The following POC5 variants were observed in gnomAD, a reference collection of about 807,000 sequenced individuals.
POC5 encodes POC5 centriolar protein.
A neutral mutation model predicts 62.9 loss-of-function variants in POC5; 48 were observed. The observed-to-expected ratio is 0.76, with a 90% confidence interval of 0.61 to 0.97. POC5 has a LOEUF of 0.97. Among genes scored for constraint, POC5 ranks in the 50% least tolerant of loss-of-function variants. The probability of loss-of-function intolerance (pLI) is 0.00; values close to 1 mark genes in which losing one functional copy is unlikely to be tolerated. For missense variants in POC5, 696 were observed against 679.5 expected (o/e 1.02, Z -0.27); for synonymous variants, 236 against 228.2 (o/e 1.03, Z -0.31).
At chr5:75,695,298 T>C (rs1178455791) in intron 5 of POC5, among the ~76,000 whole-genome samples, 2 of 152,188 alleles carry the variant, frequency 1.3e-5, no homozygotes, top group South Asian at 4.1e-4. Flanking sequence ...TTATTATCTG[T>C]TATAATGGAC....
Position 75,702,772 on chromosome 5 carries a change from G to A in POC5, c.346C>T (p.Pro116Ser). ...PVLSPRKPSH[P>S]VMDFFSSHLL... ...TGTGAACTGAAAAAATCCATGACTGGGTGAGAAGGCTTCCTTGGCGATAAC... is the reference window on the plus strand; with the variant it reads ...TGTGAACTGAAAAAATCCATGACTGAGTGAGAAGGCTTCCTTGGCGATAAC... Residue 116 changes from proline to serine, a missense_variant, in exon 5 of 12, where the codon CCA becomes TCA. Pro to Ser is a moderately conservative substitution (Grantham distance 74). Coordinates refer to ENST00000428202, the MANE Select transcript of POC5 (RefSeq NM_001099271.2). 6.3e-7 allele frequency: 1 copy of A among 1,592,478 alleles called. No individual in the cohort carries two copies. Among genetic ancestry groups the A allele is most frequent in the Non-Finnish European group, 8.6e-7 (1 of 1,168,662 alleles).
chr5:75,699,781 CCT>C (rs1283518368), intron 5 of POC5, among the ~76,000 whole-genome samples: 1 of 143,194 alleles, frequency 7.0e-6, no homozygotes, highest in Non-Finnish European at 1.6e-5. Context: ...TCAAATTCTC[CCT>C]GTTTGCAGAC....
At chr5:75,702,579 G>GT in intron 5 of POC5, 26 bp downstream of exon 5, 1 of 1,592,976 alleles carries the variant, frequency 6.3e-7, no homozygotes, top group Non-Finnish European at 8.6e-7. Context: ...CTAAACAACT[G>GT]TAATTGAAGA....
intron 4 of POC5, among the ~76,000 whole-genome samples, chr5:75,704,224 ACTAT>A (rs1002621549): frequency 6.6e-6 from 1 of 152,008 alleles, no homozygotes; most frequent in African/African-American, 2.4e-5. Flanking sequence ...GGAATTAGAG[ACTAT>A]CTGTCATCAC....
At chr5:75,686,558 A>C (rs1448866046) in intron 9 of POC5, among the ~76,000 whole-genome samples, 1 of 152,224 alleles carries the variant, frequency 6.6e-6, no homozygotes, top group Non-Finnish European at 1.5e-5. Flanking sequence ...TCAATATAAA[A>C]TACTTTTAAT....
chr5:75,683,750 C>T (rs1192307295), intron 10 of POC5, among the ~76,000 whole-genome samples: 1 of 151,938 alleles, frequency 6.6e-6, no homozygotes, highest in African/African-American at 2.4e-5. Context: ...GTTGCCCAGG[C>T]TGGAGTGCAG....
At chr5:75,693,108 C>A (rs1052849933) in intron 6 of POC5, among the ~76,000 whole-genome samples, 2 of 144,968 alleles carry the variant, frequency 1.4e-5, no homozygotes, top group African/African-American at 5.0e-5. Flanking sequence ...ATATGTCATA[C>A]ATAAAATGTT....
chr5:75,699,372 G>C (rs562024635), intron 5 of POC5, among the ~76,000 whole-genome samples: 16 of 152,120 alleles, frequency 1.1e-4, no homozygotes, highest in African/African-American at 3.6e-4. Flanking sequence ...TATCCACCAT[G>C]ATCAAGTGGG....
rs77651530 is a variant in POC5 at position 75,711,833 on chromosome 5, A to G, written c.84+1021T>C. On this transcript the variant is annotated intron_variant, in intron 2 of 11. Transcript: ENST00000428202. ...CTCTAGAGAGTTATTCTTTTGATTT[A>G]AAGCTTTATCTCTTCACGAAATGAA... 1.2e-3 allele frequency among the ~76,000 whole-genome samples: 181 copies of G among 152,336 alleles called. 1 individual carries two copies. The East Asian group carries it at 0.031, about 26-fold the overall frequency.
rs1742643580 is a variant in POC5 at position 75,717,330 on chromosome 5, G to T, written c.-39C>A. 1 of 152,250 alleles carries T rather than the reference G, an allele frequency of 6.6e-6. No homozygotes were observed. The highest frequency in any genetic ancestry group is 6.5e-5 in the Admixed American group (1 of 15,278). The allele number at this position is 152,250 out of a possible 1,614,324, so 9.4% of individuals were successfully genotyped here. A position where few individuals can be genotyped will look rare whatever the true frequency, so the allele number is the denominator to read the frequency against. On this transcript the variant is annotated 5_prime_UTR_variant, in exon 1 of 12. Transcript: ENST00000428202. ...CCGTCGCCGCTCGCGACCAAATCCC[G>T]ACTCCTCGCTCTGCGCCTCTTAGCC...
intron 1 of POC5, 95 bp downstream of exon 1, chr5:75,717,211 G>A (rs2291631): frequency 0.061 from 9,330 of 152,398 alleles, 470 homozygotes; most frequent in East Asian, 0.29. Flanking sequence ...AGAGCCCAGG[G>A]GGAGGAAACA....
chr5:75,690,260 G>A (rs939455080), intron 8 of POC5, 123 bp downstream of exon 8: 33 of 880,198 alleles, frequency 3.7e-5, no homozygotes, highest in Non-Finnish European at 5.4e-5. Context: ...AAGAATAAAC[G>A]TTTTCATTTT....
intron 1 of POC5, among the ~76,000 whole-genome samples, chr5:75,715,775 G>A (rs556025352): frequency 5.1e-4 from 77 of 152,254 alleles, no homozygotes; most frequent in Non-Finnish European, 9.6e-4. Context: ...ATAGAGTTAA[G>A]GACTACGACT....
rs150165420 is a variant in POC5, at chr5:75,679,284, C to T, written c.1408-1334G>A. 4.0e-4 allele frequency among the ~76,000 whole-genome samples: 61 copies of T among 152,214 alleles called. No individual in the cohort carries two copies. The East Asian group carries it at 0.011, about 28-fold the overall frequency. On this transcript the variant is annotated intron_variant, in intron 10 of 11. Transcript: ENST00000428202. ...CTTATTTTGGCTTAGCTTATTAAAA[C>T]ATTTGAAATTCCAGTGTGAAGTATT...
chr5:75,706,959 A>G (rs1412870063), intron 3 of POC5, among the ~76,000 whole-genome samples: 3 of 152,224 alleles, frequency 2.0e-5, no homozygotes, highest in South Asian at 2.1e-4. Context: ...GACAACAGAC[A>G]CTAGAGCTAT....
intron 1 of POC5, among the ~76,000 whole-genome samples, chr5:75,713,416 C>A (rs1184204016): frequency 1.3e-5 from 2 of 152,224 alleles, no homozygotes; most frequent in African/African-American, 4.8e-5. Flanking sequence ...AAGTCCTAAT[C>A]AAAAAATCAT....
Position 75,698,225 on chromosome 5 carries a change from A to G in POC5, c.514-3394T>C, listed in dbSNP as rs1413998044. On this transcript the variant is annotated intron_variant, in intron 5 of 11. Transcript: ENST00000428202. ...GCTCTGCACCAAGCAGACCTAATAG[A>G]TATCTACAGAACTCTCCACCCCAAA... Among the ~76,000 whole-genome samples the G allele has an allele frequency of 3.6e-5, 5 of 138,070 alleles. No individual in the cohort carries two copies. In the South Asian group the frequency reaches 7.5e-4, roughly 21 times the overall value. The allele number at this position is 138,070 out of a possible 152,430, so 90.6% of individuals were successfully genotyped here.
At chr5:75,694,858 A>C (rs1397526876) in intron 5 of POC5, 27 bp from the exon 6 acceptor site, 4 of 1,439,806 alleles carry the variant, frequency 2.8e-6, no homozygotes, top group Non-Finnish European at 3.8e-6. Context: ...GTGACAATTA[A>C]GTAGTTTGTT....
At chr5:75,678,610 T>A (rs954562183) in intron 10 of POC5, among the ~76,000 whole-genome samples, 21 of 30,604 alleles carry the variant, frequency 6.9e-4, no homozygotes, top group Admixed American at 2.5e-3. Flanking sequence ...ATTAATATAC[T>A]TTTTTTTACG....
Sources: allele counts gnomAD v4.1 joint callset (sites outside exome capture counted in the v4.1 genomes callset), GRCh38; gene constraint gnomAD v4.1.1; transcripts MANE v1.5; gene names NCBI Gene and HGNC (gene_info 2026-07-23, HGNC 2026-07-21).